The following DLG5 variants were observed in gnomAD, a reference collection of about 807,000 sequenced individuals.
The protein encoded by DLG5 is disks large homolog 5.
In DLG5, 48 loss-of-function variants were observed where a neutral mutation model predicts 189.8. The ratio of observed to expected loss-of-function variants is 0.25; its 90% CI spans 0.20 to 0.32. The LOEUF (loss-of-function observed/expected upper bound fraction) is 0.32. Among genes scored for constraint, DLG5 ranks in the 10% least tolerant of loss-of-function variants. The pLI is 1.00. For synonymous variants in DLG5, 1,016 were observed against 1,054.1 expected (o/e 0.96, Z 0.70); for missense variants, 2,160 against 2,544.7 (o/e 0.85, Z 3.25).
In DLG5 at chr10:77,794,888, A is replaced by G; in HGVS notation, c.5507T>C (p.Ile1836Thr). The G allele has an allele frequency of 6.2e-7, 1 of 1,614,020 alleles. No homozygotes were observed. Among genetic ancestry groups the G allele is most frequent in the Non-Finnish European group, 8.5e-7 (1 of 1,179,988 alleles). Residue 1836 changes from isoleucine to threonine, a missense_variant, in exon 30 of 32, where the codon ATT becomes ACT. This residue lies in a region of DLG5 where 574 missense variants were observed against 644.2 expected (regional missense o/e 0.89). Coordinates refer to ENST00000372391, the MANE Select transcript of DLG5 (RefSeq NM_004747.4). ...ERLHHMHIYP[I>T]VIFIHYKSAK... The stretch of plus-strand genomic sequence containing the variant: ...GCTCTTGTAGTGGATGAAGATGACA[A>G]TGGGGTAGATGTGCATGTGGTGGAG...
In DLG5 at chr10:77,880,711, G is replaced by C. The variant is rs74904930; in HGVS notation, c.305-11514C>G. ...TATACTAGGCATCCTACATGGCACA[G>C]CTCATGTTTTTGTTGTTACACTCTA... is the stretch of plus-strand genomic sequence containing the variant. On this transcript the variant is annotated intron_variant, in intron 1 of 31. Transcript: ENST00000372391. Among the ~76,000 whole-genome samples, 1,139 of 152,246 alleles carry C rather than the reference G, an allele frequency of 7.5e-3. 20 individuals are homozygous for C. The highest frequency in any genetic ancestry group is 0.071 in the East Asian group (369 of 5,166).
At chr10:77,830,484 G>A (rs1447792848) in intron 10 of DLG5, 140 bp from the exon 11 acceptor site, 1 of 1,378,188 alleles carries the variant, frequency 7.3e-7, no homozygotes, top group Non-Finnish European at 9.9e-7. Context: ...CCCCAGGATG[G>A]AAACCTATGA....
intron 5 of DLG5, among the ~76,000 whole-genome samples, chr10:77,844,202 C>A (rs993452745): frequency 6.6e-6 from 1 of 152,136 alleles, no homozygotes; most frequent in Admixed American, 6.5e-5. Flanking sequence ...CCCAATAAGA[C>A]ACTTGAGCAC....
chr10:77,813,605 G>A (rs1841891206), intron 20 of DLG5, among the ~76,000 whole-genome samples: 1 of 152,116 alleles, frequency 6.6e-6, no homozygotes, highest in African/African-American at 2.4e-5. Flanking sequence ...GAGCTGCAGA[G>A]CCCTCAGCAC....
At chr10:77,875,846 A>T (rs891415045) in intron 1 of DLG5, among the ~76,000 whole-genome samples, 1 of 151,922 alleles carries the variant, frequency 6.6e-6, no homozygotes, top group African/African-American at 2.4e-5. Flanking sequence ...AACTACACTC[A>T]GGGCAGCCCC....
intron 1 of DLG5, among the ~76,000 whole-genome samples, chr10:77,924,677 G>T (rs1357972622): frequency 1.3e-5 from 2 of 152,184 alleles, no homozygotes; most frequent in African/African-American, 2.4e-5. Flanking sequence ...ATCTCCCAAA[G>T]CACTATCCCA....
At chr10:77,882,311 T>C (rs984364875) in intron 1 of DLG5, among the ~76,000 whole-genome samples, 3 of 152,162 alleles carry the variant, frequency 2.0e-5, no homozygotes, top group African/African-American at 7.2e-5. Context: ...TCGGTGTCAT[T>C]TGCACACTGA....
chr10:77,867,508 C>G (rs1390518363), intron 2 of DLG5, among the ~76,000 whole-genome samples: 2 of 152,180 alleles, frequency 1.3e-5, no homozygotes, highest in African/African-American at 2.4e-5. Context: ...TTCCAAATTC[C>G]AACAATCCCA....
At chr10:77,854,474 GTCT>G in intron 3 of DLG5, 104 bp from the exon 4 acceptor site, 2 of 1,459,274 alleles carry the variant, frequency 1.4e-6, no homozygotes, top group Non-Finnish European at 1.9e-6. Flanking sequence ...CCCAGTACTG[GTCT>G]TCTATGCACC....
At chr10:77,809,427 C>G in intron 24 of DLG5, 120 bp downstream of exon 24, 3 of 1,162,972 alleles carry the variant, frequency 2.6e-6, no homozygotes, top group Non-Finnish European at 3.7e-6. Context: ...CAAAAGTCAG[C>G]CCTGACTGGC....
In DLG5 at chr10:77,832,025, T is replaced by A. The variant is rs1842915753; in HGVS notation, c.1749-1152A>T. 1.3e-5 allele frequency among the ~76,000 whole-genome samples: 2 copies of A among 152,102 alleles called. 1 individual carries two copies. The highest frequency in any genetic ancestry group is 4.1e-4 in the South Asian group (2 of 4,828). On this transcript the variant is annotated intron_variant, in intron 9 of 31. Transcript: ENST00000372391. ...GGGTTCAAGACCAGCCTGGCCAACA[T>A]GGTAAAACCCCGTCTCTACCAAAAA...
chr10:77,909,298 T>G (rs371961747), intron 1 of DLG5, among the ~76,000 whole-genome samples: 1 of 151,508 alleles, frequency 6.6e-6, no homozygotes, highest in Non-Finnish European at 1.5e-5. Flanking sequence ...TAAGTGAGAG[T>G]TGAACAATGA....
chr10:77,923,884 A>G (rs1846609384), intron 1 of DLG5, among the ~76,000 whole-genome samples: 1 of 151,554 alleles, frequency 6.6e-6, no homozygotes, highest in Non-Finnish European at 1.5e-5. Flanking sequence ...TTTTTTTTTG[A>G]GAAGGAGTCT....
upstream of DLG5, chr10:77,928,364 T>C (rs1846753226): frequency 6.6e-6 from 1 of 152,232 alleles, no homozygotes; most frequent in African/African-American, 2.4e-5. Context: ...GACCTCCAGA[T>C]GGACCCCAAT....
At chr10:77,876,920 GTCTC>G (rs1845118777) in intron 1 of DLG5, among the ~76,000 whole-genome samples, 1 of 150,644 alleles carries the variant, frequency 6.6e-6, no homozygotes, top group Non-Finnish European at 1.5e-5. Context: ...TAGAGACAGG[GTCTC>G]TCTTTGTTGC....
At chr10:77,928,141 A>C (rs1026602430), upstream of DLG5, 4 of 152,256 alleles carry the variant, frequency 2.6e-5, no homozygotes, top group African/African-American at 9.6e-5. Context: ...CCCTCTAAGC[A>C]GCTGCACAAG....
rs1373775628 is a variant in DLG5, at chr10:77,926,192, C to T, written c.304+25G>A. 2.5e-5 allele frequency: 34 copies of T among 1,383,242 alleles called. No individual in the cohort carries two copies. The highest frequency in any genetic ancestry group is 3.2e-5 in the Non-Finnish European group (34 of 1,057,056). 85.7% of individuals were successfully genotyped at this position (1,383,242 alleles called of 1,614,324 possible). ...AGAAGCGGAGGGCGCGTCCCAGAGG[C>T]GGGGGCCAAGGGTCTGCCACTCACC... is the stretch of plus-strand genomic sequence containing the variant. On this transcript the variant is annotated intron_variant, in intron 1 of 31. Coordinates refer to ENST00000372391, the MANE Select transcript of DLG5 (RefSeq NM_004747.4). The surrounding 1 kb of genome is among the most constrained non-coding windows in gnomAD (Gnocchi z 5.2).
intron 1 of DLG5, among the ~76,000 whole-genome samples, chr10:77,893,916 G>A (rs567547208): frequency 3.3e-5 from 5 of 152,294 alleles, no homozygotes; most frequent in Admixed American, 6.5e-5. Context: ...CTCCCTACCC[G>A]GCGCGTGGCC....
chr10:77,891,631 A>G (rs1165108696), intron 1 of DLG5, among the ~76,000 whole-genome samples: 1 of 151,080 alleles, frequency 6.6e-6, no homozygotes, highest in Non-Finnish European at 1.5e-5. Context: ...GAAAGCAACA[A>G]TTCAGCTCAG....
Sources: gnomAD v4.1 joint callset for allele counts (sites outside exome capture counted in the v4.1 genomes callset) on GRCh38, gnomAD v4.1.1 for gene constraint, gnomAD v4.1.1 regional missense constraint, Gnocchi (gnomAD v3.1) non-coding constraint, MANE v1.5 for transcripts, NCBI Gene and HGNC (gene_info 2026-07-23, HGNC 2026-07-21) for gene names.